Variants in COL6A1 observed in about 807,000 individuals in gnomAD.
COL6A1 encodes the protein collagen type VI alpha 1 chain, also known as collagen alpha-1(VI) chain.
COL6A1 carries 80 observed loss-of-function variants against 145.6 expected under a neutral mutation model. The observed-to-expected ratio is 0.55, with a 90% CI of 0.46 to 0.66. The LOEUF (loss-of-function observed/expected upper bound fraction) is 0.66. Among genes scored for constraint, COL6A1 ranks in the 30% least tolerant of loss-of-function variants. COL6A1 has a pLI of 0.00. For missense variants in COL6A1, 1,364 were observed against 1,473.8 expected, an observed-to-expected ratio of 0.93 and a Z score of 1.22; for synonymous variants, 638 against 622.8, an observed-to-expected ratio of 1.02 and a Z score of -0.36.
Position 45,997,479 on chromosome 21 carries a change from C to T in COL6A1, c.1457C>T (p.Ser486Phe). 1 of 1,610,292 alleles carries T rather than the reference C, an allele frequency of 6.2e-7. No homozygotes were observed. The highest frequency in any genetic ancestry group is 8.5e-7 in the Non-Finnish European group (1 of 1,179,228). The change falls in exon 21 of 35, where the codon TCC becomes TTC. Residue 486 changes from serine to phenylalanine, a missense_variant. This residue lies in a region of COL6A1 where 938 missense variants were observed against 1,003.8 expected (regional missense o/e 0.93). Coordinates refer to ENST00000361866, the MANE Select transcript of COL6A1 (RefSeq NM_001848.3). Reference protein sequence around the residue: ...GYRGDEGPPGSEGARGAPGPA... With the variant: ...GYRGDEGPPGFEGARGAPGPA... ...CGAGGCGATGAGGGTCCCCCAGGGT[C>T]CGAGGTGAGTCCCACTCCCCACCCA...
intron 22 of COL6A1, 24 bp downstream of exon 22, chr21:45,997,786 C>T: frequency 6.4e-7 from 1 of 1,567,364 alleles, no homozygotes; most frequent in Non-Finnish European, 8.6e-7. Context: ...AGCTCGGGCC[C>T]TAGGGCGGAG....
At chr21:45,987,453 G>A in intron 6 of COL6A1, 46 bp from the exon 7 acceptor site, 2 of 1,612,496 alleles carry the variant, frequency 1.2e-6, no homozygotes, top group South Asian at 1.1e-5. Context: ...CCAGCCGTAT[G>A]TCCGTGGCTT....
intron 20 of COL6A1, among the ~76,000 whole-genome samples, chr21:45,996,421 G>C (rs532335824): frequency 6.6e-6 from 1 of 152,246 alleles, no homozygotes; most frequent in Admixed American, 6.5e-5. Flanking sequence ...GGGGTAGAGA[G>C]AGCAATACAC....
rs776280047 is a variant in COL6A1 at position 46,001,368 on chromosome 21, C to T, written c.1938C>T (p.Ser646=). 1 of 1,611,774 alleles carries T rather than the reference C, an allele frequency of 6.2e-7. No individual in the cohort carries two copies. The highest frequency in any genetic ancestry group is 8.5e-7 in the Non-Finnish European group (1 of 1,179,850). The change falls in exon 30 of 35, where the codon AGC becomes AGT. Residue 646 remains serine, a synonymous_variant. Coordinates refer to ENST00000361866, the MANE Select transcript of COL6A1 (RefSeq NM_001848.3). The part of the protein sequence containing the change: ...DFVVKVIDRL[S]RDELVKFEPG... ...TCGTCAAGGTCATCGACCGGCTGAG[C>T]CGGGACGAGCTGGTCAAGGTGAGGC...
At chr21:45,997,993 C>G in intron 22 of COL6A1, 128 bp from the exon 23 acceptor site, 2 of 1,287,644 alleles carry the variant, frequency 1.6e-6, no homozygotes, top group Non-Finnish European at 2.2e-6. Flanking sequence ...AGGGTGGCCC[C>G]AGGGGAGGGA....
rs1603593148 is a variant in COL6A1 at position 45,998,246 on chromosome 21, T to C, written c.1575+75T>C. On this transcript the variant is annotated intron_variant, in intron 23 of 34. Coordinates refer to ENST00000361866, the MANE Select transcript of COL6A1 (RefSeq NM_001848.3). ...GCGCCCTCTTTAGTGGACTGGGCAC[T>C]CTTGGGTGGGCGGGCTGGCCCCAGG... is the stretch of plus-strand genomic sequence containing the variant. 16 of 1,586,264 alleles carry C rather than the reference T, an allele frequency of 1.0e-5. No homozygotes were observed. In the East Asian group the frequency reaches 3.7e-4, roughly 37 times the overall value.
intron 19 of COL6A1, among the ~76,000 whole-genome samples, chr21:45,993,695 C>T (rs1443410539): frequency 6.6e-6 from 1 of 152,110 alleles, no homozygotes; most frequent in Admixed American, 6.5e-5. Context: ...GCACAGCCCC[C>T]GTGGAGGGGT....
chr21:45,990,459 A>AGGAGGGACGGGGAGGGATGG, intron 13 of COL6A1, 37 bp downstream of exon 13: 1 of 188,710 alleles, frequency 5.3e-6, no homozygotes, highest in Admixed American at 8.3e-5. Context: ...GGGAGGGACG[A>AGGAGGGACGGGGAGGGATGG]GGAGGAATGG....
chr21:45,982,551 G>C, intron 1 of COL6A1, 83 bp from the exon 2 acceptor site: 1 of 1,599,294 alleles, frequency 6.3e-7, no homozygotes, highest in Non-Finnish European at 8.5e-7. Flanking sequence ...TGCAGGCGCT[G>C]GGCTGGCCGG....
rs200443319 is a variant in COL6A1, at chr21:46,002,105, C to G, written c.2066+35C>G. On this transcript the variant is annotated intron_variant, in intron 31 of 34. Transcript: ENST00000361866. ...CCACGCGGCCAGGACCCTCCCACCC[C>G]TCGCCCCGACCGCTGTTCCCACGGC... The G allele has an allele frequency of 2.2e-5, 35 of 1,591,438 alleles. 1 individual carries two copies. In the South Asian group the frequency reaches 3.8e-4, roughly 17 times the overall value.
intron 8 of COL6A1, 74 bp downstream of exon 8, chr21:45,987,728 G>A: frequency 6.6e-7 from 1 of 1,518,100 alleles, no homozygotes; most frequent in South Asian, 1.2e-5. Flanking sequence ...AAGCCTCCTG[G>A]GCACCCAAGT....
chr21:46,004,656 G>A lies in COL6A1; in HGVS notation c.*643G>A, dbSNP rs754114880. The A allele has an allele frequency of 2.0e-5, 9 of 440,248 alleles. No homozygotes were observed. The highest frequency in any genetic ancestry group is 9.6e-5 in the South Asian group (6 of 62,486). 27.3% of individuals were successfully genotyped at this position (440,248 alleles called of 1,614,324 possible). A position where few individuals can be genotyped will look rare whatever the true frequency, so the allele number is the denominator to read the frequency against. On this transcript the variant is annotated 3_prime_UTR_variant, in exon 35 of 35. Transcript: ENST00000361866. ...TTGCAGACATAAATCTCGGCGACTC[G>A]GCCCCGTCTCCTGAGGGTCCTGCTG...
chr21:45,999,770 G>T lies in COL6A1; in HGVS notation c.1776+78G>T. 5 of 1,369,570 alleles carry T rather than the reference G, an allele frequency of 3.7e-6. No homozygotes were observed. In the South Asian group the frequency reaches 3.7e-5, roughly 10 times the overall value. 84.8% of individuals were successfully genotyped at this position (1,369,570 alleles called of 1,614,324 possible). Reference sequence around the variant, plus strand: ...CTTGGGGTGTGGGTCCTGTCCATGGGTGCTCCTGTAGACGCTGCTCACGGG... The same window carrying T: ...CTTGGGGTGTGGGTCCTGTCCATGGTTGCTCCTGTAGACGCTGCTCACGGG... On this transcript the variant is annotated intron_variant, in intron 27 of 34. Coordinates refer to ENST00000361866, the MANE Select transcript of COL6A1 (RefSeq NM_001848.3).
chr21:46,003,092 C>T (rs1336368128), intron 33 of COL6A1, 28 bp from the exon 34 acceptor site: 2 of 1,614,060 alleles, frequency 1.2e-6, no homozygotes. Context: ...GCAGTGGGCT[C>T]ACACTGCACG....
chr21:45,989,579 G>T (rs771748785), intron 9 of COL6A1, 29 bp from the exon 10 acceptor site: 4 of 1,610,598 alleles, frequency 2.5e-6, no homozygotes, highest in Non-Finnish European at 2.5e-6. Context: ...TCCTCCGGGG[G>T]TGTCTCACCA....
At chr21:46,000,720 G>A in intron 28 of COL6A1, 39 bp from the exon 29 acceptor site, 1 of 1,613,902 alleles carries the variant, frequency 6.2e-7, no homozygotes, top group Non-Finnish European at 8.5e-7. Flanking sequence ...GCAGGACGCG[G>A]CCCTGACTGG....
rs778285688 is a variant in COL6A1 at position 45,990,803 on chromosome 21, T to C, written c.1033T>C (p.Cys345Arg). 1 of 1,613,472 alleles carries C rather than the reference T, an allele frequency of 6.2e-7. No individual in the cohort carries two copies. The highest frequency in any genetic ancestry group is 8.5e-7 in the Non-Finnish European group (1 of 1,179,998). The change falls in exon 14 of 35, where the codon TGC becomes CGC. Residue 345 changes from cysteine to arginine, a missense_variant. This residue lies in a region of COL6A1 where 938 missense variants were observed against 1,003.8 expected (regional missense o/e 0.93). Transcript: ENST00000361866. Reference sequence around the variant, plus strand: ...GATGGGGTACCCAGGCCTGCCAGGCTGCAAGGGCTCGCCCGGGTTTGACGT... The same window carrying C: ...GATGGGGTACCCAGGCCTGCCAGGCCGCAAGGGCTCGCCCGGGTTTGACGT... ...GEMGYPGLPG[C>R]KGSPGFDGIQ...
In COL6A1 at chr21:45,998,953, A is replaced by G. The variant is rs746081979; in HGVS notation, c.1668A>G (p.Gly556=). 2.3e-5 allele frequency: 36 copies of G among 1,553,468 alleles called. No homozygotes were observed. The highest frequency in any genetic ancestry group is 3.0e-5 in the Non-Finnish European group (35 of 1,148,064). The part of the protein sequence containing the change: ...KGDEGEAGDP[G]DDNNDIAPRG... ...ACGAGGGAGAAGCCGGGGACCCCGG[A>G]GACGATGTAAGTGTGGATGGGAGGC... is the stretch of plus-strand genomic sequence containing the variant. Residue 556 remains glycine (G), a synonymous_variant, in exon 25 of 35, where the codon GGA becomes GGG. Transcript: ENST00000361866.
intron 8 of COL6A1, 144 bp from the exon 9 acceptor site, chr21:45,988,940 G>A: frequency 3.3e-6 from 3 of 916,498 alleles, no homozygotes; most frequent in South Asian, 3.5e-5. Flanking sequence ...CCAGACCCAG[G>A]CTGACCAGAT....
Sources: gnomAD v4.1 joint callset for allele counts (sites outside exome capture counted in the v4.1 genomes callset) on GRCh38, gnomAD v4.1.1 for gene constraint, gnomAD v4.1.1 regional missense constraint, MANE v1.5 for transcripts, NCBI Gene and HGNC (gene_info 2026-07-23, HGNC 2026-07-21) for gene names.